PLCB3: variants seen among roughly 807,000 people sequenced by gnomAD.
The protein encoded by PLCB3 is phospholipase C beta 3.
In PLCB3, 54 loss-of-function variants were observed where a neutral mutation model predicts 152.1. The observed-to-expected ratio is 0.36, with a 90% CI of 0.29 to 0.45. PLCB3 has a LOEUF of 0.45. Ranked by LOEUF, PLCB3 falls within the 20% of genes least tolerant of loss-of-function variation. The pLI, the probability that PLCB3 is intolerant of heterozygous loss-of-function variation, is 1.00. For synonymous variants in PLCB3, 717 were observed against 698.7 expected, an observed-to-expected ratio of 1.03 and a Z score of -0.41; for missense variants, 1,248 against 1,687.5, an observed-to-expected ratio of 0.74 and a Z score of 4.56.
Position 64,254,584 on chromosome 11 carries a change from T to C in PLCB3, c.177+92T>C, listed in dbSNP as rs928204035. On this transcript the variant is annotated intron_variant, in intron 2 of 30. Transcript: ENST00000279230. ...GTGGGGGTGGGGCCCGGCTGCAGGCTGACCTCTCCCACTGCTGCCCAGACA... is the reference window on the plus strand; with the variant it reads ...GTGGGGGTGGGGCCCGGCTGCAGGCCGACCTCTCCCACTGCTGCCCAGACA... 2.1e-6 allele frequency: 3 copies of C among 1,400,068 alleles called. No homozygotes were observed. The African/African-American group carries it at 4.2e-5, about 20-fold the overall frequency. 86.7% of individuals were successfully genotyped at this position (1,400,068 alleles called of 1,614,324 possible).
In PLCB3 at chr11:64,267,658, A is replaced by G. The variant is rs2032197451; in HGVS notation, c.*102A>G. 11 of 956,950 alleles carry G rather than the reference A, an allele frequency of 1.1e-5. No individual in the cohort carries two copies. The highest frequency in any genetic ancestry group is 9.6e-5 in the South Asian group (6 of 62,216). The allele number at this position is 956,950 out of a possible 1,614,324, so 59.3% of individuals were successfully genotyped here. A position where few individuals can be genotyped will look rare whatever the true frequency, so the allele number is the denominator to read the frequency against. On this transcript the variant is annotated 3_prime_UTR_variant, in exon 31 of 31. Transcript: ENST00000279230. The surrounding 1 kb of genome is among the most constrained non-coding windows in gnomAD (Gnocchi z 5.2). ...TTTTTTTTTTTTTAACTTTTTATCT[A>G]GAAATTTTATTTTTTTAAACCCGGG...
Position 64,264,025 on chromosome 11 carries a change from T to C in PLCB3, c.2565T>C (p.Tyr855=), listed in dbSNP as rs549951984. Residue 855 remains tyrosine, a synonymous_variant, in exon 22 of 31, where the codon TAT becomes TAC. Coordinates refer to ENST00000279230, the MANE Select transcript of PLCB3 (RefSeq NM_000932.5). ...TGGCCTTCTGCCTCCCCCCAGACTA[T>C]GCGGAGGCCCTGATCAACCCCATTA... ...SDYIPDDHQD[Y]AEALINPIKH... 47 of 1,573,062 alleles carry C rather than the reference T, an allele frequency of 3.0e-5. No individual in the cohort carries two copies. The South Asian group carries it at 4.9e-4, about 17-fold the overall frequency.
chr11:64,264,145 T>C, intron 22 of PLCB3, 33 bp downstream of exon 22: 2 of 1,430,376 alleles, frequency 1.4e-6, no homozygotes, highest in Non-Finnish European at 1.9e-6. Flanking sequence ...TCAGGCTCAC[T>C]GTGACCCAGG....
In PLCB3 at chr11:64,251,686, T is replaced by G; in HGVS notation, c.37T>G (p.Leu13Val). Reference sequence around the variant, plus strand: ...CCAGCCCGGCGTCCACGCGCTGCAGTTGGAGCCGCCCACCGTGGTGGAGAC... The same window carrying G: ...CCAGCCCGGCGTCCACGCGCTGCAGGTGGAGCCGCCCACCGTGGTGGAGAC... The part of the protein sequence containing the change: ...GAQPGVHALQ[L>V]EPPTVVETLR... Residue 13 changes from leucine (L) to valine (V), a missense_variant, in exon 1 of 31, where the codon TTG becomes GTG. Leu to Val is a conservative substitution (Grantham distance 32). This residue lies in a region of PLCB3 where 299 missense variants were observed against 434.7 expected (regional missense o/e 0.69). Coordinates refer to ENST00000279230, the MANE Select transcript of PLCB3 (RefSeq NM_000932.5). 6.8e-7 allele frequency: 1 copy of G among 1,480,560 alleles called. No homozygotes were observed. The highest frequency in any genetic ancestry group is 9.0e-7 in the Non-Finnish European group (1 of 1,112,920). The allele number at this position is 1,480,560 out of a possible 1,614,324, so 91.7% of individuals were successfully genotyped here.
chr11:64,263,572 C>T lies in PLCB3; in HGVS notation c.2430C>T (p.Ile810=). The change falls in exon 20 of 31, where the codon ATC becomes ATT. Residue 810 remains isoleucine, a synonymous_variant. Coordinates refer to ENST00000279230, the MANE Select transcript of PLCB3 (RefSeq NM_000932.5). ...EEGGKFVGHR[I]LPVSAIRSGY... ...GGGGTAAATTCGTAGGGCACCGGAT[C>T]CTGCCTGTCTCTGCCATCCGCTCCG... 6.2e-7 allele frequency: 1 copy of T among 1,611,752 alleles called. No homozygotes were observed. The highest frequency in any genetic ancestry group is 8.5e-7 in the Non-Finnish European group (1 of 1,178,980).
At position 64,258,349 on chromosome 11, in the gene PLCB3, T is replaced by C; in HGVS notation, c.1013-124T>C. The C allele has an allele frequency of 1.9e-6, 2 of 1,074,308 alleles. No individual in the cohort carries two copies. Among genetic ancestry groups the C allele is most frequent in the South Asian group, 3.1e-5 (2 of 64,108 alleles). 66.5% of individuals were successfully genotyped at this position (1,074,308 alleles called of 1,614,324 possible). A position where few individuals can be genotyped will look rare whatever the true frequency, so the allele number is the denominator to read the frequency against. On this transcript the variant is annotated intron_variant, in intron 10 of 30. Transcript: ENST00000279230. The surrounding 1 kb of genome is among the most constrained non-coding windows in gnomAD (Gnocchi z 7.2). ...TCACGCTGGTGGGATGGACAGGTGG[T>C]GGGTATCCATCTGAGAGATGGAGAG...
chr11:64,263,791 C>A lies in PLCB3; in HGVS notation c.2556C>A (p.His852Gln). 6.2e-7 allele frequency: 1 copy of A among 1,611,606 alleles called. No individual in the cohort carries two copies. The highest frequency in any genetic ancestry group is 8.5e-7 in the Non-Finnish European group (1 of 1,178,618). Reference protein sequence around the residue: ...TEASDYIPDDHQDYAEALINP... With the variant: ...TEASDYIPDDQQDYAEALINP... ...CCTCGGACTACATTCCTGACGACCA[C>A]CAGGGTGAGCTGGGGGTGGGCGGGG... is the stretch of plus-strand genomic sequence containing the variant. Residue 852 changes from histidine (H) to glutamine (Q), a missense_variant, in exon 21 of 31, where the codon CAC (histidine) becomes CAA (glutamine). His to Gln is a conservative substitution (Grantham distance 24, BLOSUM62 0). Around this residue, in one of 6 missense-constraint regions of PLCB3, gnomAD observed 244 missense variants for 424.4 expected, o/e 0.57. Coordinates refer to ENST00000279230, the MANE Select transcript of PLCB3 (RefSeq NM_000932.5).
In PLCB3 at chr11:64,265,067, C is replaced by T; in HGVS notation, c.2769C>T (p.Pro923=). 2 of 1,544,322 alleles carry T rather than the reference C, an allele frequency of 1.3e-6. No individual in the cohort carries two copies. The highest frequency in any genetic ancestry group is 2.4e-5 in the East Asian group (1 of 41,316). ...CCTCCCCCCGCCGGCCCCCTGGCCC[C>T]ACCACCTCCCCTGCCAGCACCTCCC... The part of the protein sequence containing the change: ...LDASPRRPPG[P]TTSPASTSLS... Residue 923 remains proline, a synonymous_variant, in exon 23 of 31, where the codon CCC becomes CCT. Coordinates refer to ENST00000279230, the MANE Select transcript of PLCB3 (RefSeq NM_000932.5).
At position 64,267,814 on chromosome 11, in the gene PLCB3, C is replaced by G. The variant is rs1295152166; in HGVS notation, c.*258C>G. The G allele has an allele frequency of 1.1e-5, 5 of 444,264 alleles. No homozygotes were observed. In the East Asian group the frequency reaches 1.8e-4, roughly 16 times the overall value. 27.5% of individuals were successfully genotyped at this position (444,264 alleles called of 1,614,324 possible). On this transcript the variant is annotated 3_prime_UTR_variant, in exon 31 of 31. Transcript: ENST00000279230. This position sits in a 1 kb window ranked among gnomAD's most constrained non-coding sequence, Gnocchi z 5.2. ...CCCTCGAGCTAGCAGCGTCTCCTCCCTTCCCCGGGAGAGCTGGCTGGAGAC... is the reference window on the plus strand; with the variant it reads ...CCCTCGAGCTAGCAGCGTCTCCTCCGTTCCCCGGGAGAGCTGGCTGGAGAC...
chr11:64,252,255 G>C (rs1475419677), intron 1 of PLCB3, among the ~76,000 whole-genome samples: 3 of 151,910 alleles, frequency 2.0e-5, no homozygotes, highest in Non-Finnish European at 4.4e-5. Flanking sequence ...CCTTCGCCCT[G>C]CTTCTGGATC....
Position 64,260,138 on chromosome 11 carries a change from A to G in PLCB3, c.1635A>G (p.Arg545=), listed in dbSNP as rs2135054005. ...CTCTGGGTGACGAGGGCCTGAACCG[A>G]GGCCCCTATGTTCTTGGACCTGCTG... is the stretch of plus-strand genomic sequence containing the variant. ...QKSLGDEGLN[R]GPYVLGPADR... The change falls in exon 14 of 31, where the codon CGA becomes CGG. Residue 545 remains arginine, a synonymous_variant. Transcript: ENST00000279230. 6.2e-7 allele frequency: 1 copy of G among 1,611,260 alleles called. No individual in the cohort carries two copies. The highest frequency in any genetic ancestry group is 8.5e-7 in the Non-Finnish European group (1 of 1,179,010).
chr11:64,256,108 G>A (rs1396618501), intron 8 of PLCB3, among the ~76,000 whole-genome samples: 1 of 152,172 alleles, frequency 6.6e-6, no homozygotes, highest in East Asian at 1.9e-4. Context: ...GTCTGGAAGC[G>A]AGGGGTGGTG....
rs1300333348 is a variant in PLCB3 at position 64,264,997 on chromosome 11, T to C, written c.2699T>C (p.Leu900Pro). ...TGCCAGGACACCCAGTCTCAGCAGCTGGGGTCTCAGCCGTCCTCAAACCCC... is the reference window on the plus strand; with the variant it reads ...TGCCAGGACACCCAGTCTCAGCAGCCGGGGTCTCAGCCGTCCTCAAACCCC... ...ETCQDTQSQQ[L>P]GSQPSSNPTP... The change falls in exon 23 of 31, where the codon CTG becomes CCG. Residue 900 changes from leucine to proline, a missense_variant. Physicochemically the swap from Leu to Pro is moderately conservative, Grantham distance 98. Coordinates refer to ENST00000279230, the MANE Select transcript of PLCB3 (RefSeq NM_000932.5). 7 of 1,611,778 alleles carry C rather than the reference T, an allele frequency of 4.3e-6. No homozygotes were observed. Among genetic ancestry groups the C allele is most frequent in the Non-Finnish European group, 5.1e-6 (6 of 1,179,628 alleles).
At chr11:64,269,361 G>A (rs1006857673), downstream of PLCB3, among the ~76,000 whole-genome samples, 5 of 152,360 alleles carry the variant, frequency 3.3e-5, no homozygotes, top group Non-Finnish European at 5.9e-5. Context: ...GAACCGGCCC[G>A]GGTTATAGGG....
At position 64,256,680 on chromosome 11, in the gene PLCB3, C is replaced by G. The variant is rs143997731; in HGVS notation, c.928C>G (p.Leu310Val). The change falls in exon 10 of 31, where the codon CTG becomes GTG. Residue 310 changes from leucine (L) to valine (V), a missense_variant. Leu to Val is a conservative substitution (Grantham distance 32, BLOSUM62 1). Transcript: ENST00000279230. ...AGGCGAGGAGAATGGCATCCTGCCC[C>G]TGGAAGCCCTGGATCTGAGCACGGA... ...LGGEENGILP[L>V]EALDLSTDMT... 6 of 1,614,220 alleles carry G rather than the reference C, an allele frequency of 3.7e-6. No homozygotes were observed. The South Asian group carries it at 6.6e-5, about 18-fold the overall frequency.
chr11:64,251,791 T>G, intron 1 of PLCB3, 43 bp downstream of exon 1: 1 of 1,169,972 alleles, frequency 8.5e-7, no homozygotes, highest in African/African-American at 1.6e-5. Context: ...CCGGGACTCT[T>G]TCAGTCAAGC....
At chr11:64,263,870 G>A (rs1812818974) in intron 21 of PLCB3, 75 bp downstream of exon 21, 2 of 1,326,678 alleles carry the variant, frequency 1.5e-6, no homozygotes, top group Non-Finnish European at 2.2e-6. Context: ...GCCTGGGAGT[G>A]GCCGAGCTGG....
chr11:64,255,112 C>T lies in PLCB3; in HGVS notation c.387+74C>T, dbSNP rs2031449377. ...GAGTCGGCCGTCACTTACCGAACAC[C>T]TGCTGTGTTCTAGGCTGCTCTGTGA... is the stretch of plus-strand genomic sequence containing the variant. On this transcript the variant is annotated intron_variant, in intron 4 of 30. Coordinates refer to ENST00000279230, the MANE Select transcript of PLCB3 (RefSeq NM_000932.5). This position sits in a 1 kb window ranked among gnomAD's most constrained non-coding sequence, Gnocchi z 6.8. 3 of 1,534,624 alleles carry T rather than the reference C, an allele frequency of 2.0e-6. No individual in the cohort carries two copies. Among genetic ancestry groups the T allele is most frequent in the Non-Finnish European group, 2.7e-6 (3 of 1,111,378 alleles).
rs758673995 is a variant in PLCB3 at position 64,262,391 on chromosome 11, G to A, written c.2039-16G>A. The A allele has an allele frequency of 1.2e-6, 2 of 1,608,660 alleles. No homozygotes were observed. The highest frequency in any genetic ancestry group is 2.2e-5 in the South Asian group (2 of 91,026). On this transcript the variant is annotated splice_polypyrimidine_tract_variant and intron_variant, in intron 17 of 30. Transcript: ENST00000279230. ...CCTGATCCCTGCCCCTGCTCGACGTGCCCGTGGCACCCCAGATGTGGCGAT... is the reference window on the plus strand; with the variant it reads ...CCTGATCCCTGCCCCTGCTCGACGTACCCGTGGCACCCCAGATGTGGCGAT...
Sources: allele counts gnomAD v4.1 joint callset (sites outside exome capture counted in the v4.1 genomes callset), GRCh38; gene constraint gnomAD v4.1.1; regional missense constraint gnomAD v4.1.1; non-coding constraint Gnocchi (gnomAD v3.1); transcripts MANE v1.5; gene names NCBI Gene and HGNC (gene_info 2026-07-23, HGNC 2026-07-21).